Variants in FBXL20 observed in about 807,000 individuals in gnomAD.
FBXL20 encodes the protein F-box and leucine rich repeat protein 20, also known as F-box/LRR-repeat protein 20.
A neutral mutation model predicts 64.0 loss-of-function variants in FBXL20; 11 were observed. That is an observed-to-expected ratio of 0.17 (90% CI 0.11 to 0.28). The LOEUF is 0.28. Ranked by LOEUF, FBXL20 falls within the 10% of genes least tolerant of loss-of-function variation. The probability of loss-of-function intolerance (pLI) is 1.00; values close to 1 mark genes in which losing one functional copy is unlikely to be tolerated. For synonymous variants in FBXL20, 184 were observed against 189.0 expected (o/e 0.97, Z 0.22); for missense variants, 303 against 526.2 (o/e 0.58, Z 4.15).
chr17:39,315,562 C>T (rs979081712), intron 2 of FBXL20, among the ~76,000 whole-genome samples: 13 of 151,466 alleles, frequency 8.6e-5, no homozygotes, highest in Non-Finnish European at 1.3e-4. Context: ...TTGAACAATA[C>T]GTCGGAGTCC....
At chr17:39,354,378 C>T (rs1007229696) in intron 1 of FBXL20, among the ~76,000 whole-genome samples, 1 of 152,174 alleles carries the variant, frequency 6.6e-6, no homozygotes, top group East Asian at 1.9e-4. Context: ...TAATGTTCAT[C>T]GCACTTACTA....
At chr17:39,274,741 T>G (rs893238382) in intron 10 of FBXL20, among the ~76,000 whole-genome samples, 12 of 152,314 alleles carry the variant, frequency 7.9e-5, no homozygotes, top group East Asian at 1.9e-4. Context: ...TTTTTTCTAG[T>G]ATGGATAGCA....
At chr17:39,294,571 C>A (rs1425920616) in intron 6 of FBXL20, among the ~76,000 whole-genome samples, 2 of 151,988 alleles carry the variant, frequency 1.3e-5, no homozygotes, top group Non-Finnish European at 2.9e-5. Context: ...CCTGCTGCTT[C>A]TTTGATTTAA....
rs1249257595 is a variant in FBXL20, at chr17:39,303,565, A to G, written c.159+20T>C. ...AGTATGAAGAAGGGGTCCCCCTGTAACTATGCCAACAATACTTACCCTGGA... is the reference window on the plus strand; with the variant it reads ...AGTATGAAGAAGGGGTCCCCCTGTAGCTATGCCAACAATACTTACCCTGGA... On this transcript the variant is annotated intron_variant, in intron 3 of 14. Coordinates refer to ENST00000264658, the MANE Select transcript of FBXL20 (RefSeq NM_032875.3). 7 of 1,602,304 alleles carry G rather than the reference A, an allele frequency of 4.4e-6. No homozygotes were observed. In the East Asian group the frequency reaches 1.3e-4, roughly 31 times the overall value.
At chr17:39,337,071 A>C (rs2047529915) in intron 2 of FBXL20, among the ~76,000 whole-genome samples, 1 of 151,098 alleles carries the variant, frequency 6.6e-6, no homozygotes. Flanking sequence ...ATCTCGGCTC[A>C]CTGCAACCTC....
At chr17:39,363,648 A>C (rs2047821679) in intron 1 of FBXL20, among the ~76,000 whole-genome samples, 1 of 151,718 alleles carries the variant, frequency 6.6e-6, no homozygotes, top group African/African-American at 2.4e-5. Context: ...CTCCTCTAGA[A>C]AAAATTTTAA....
intron 7 of FBXL20, 23 bp downstream of exon 7, chr17:39,285,455 C>T (rs1469088618): frequency 2.0e-6 from 3 of 1,479,074 alleles, no homozygotes; most frequent in East Asian, 2.3e-5. Flanking sequence ...GATTACTTGA[C>T]ATGCTTATTA....
chr17:39,337,920 G>T lies in FBXL20; in HGVS notation c.104+5260C>A, dbSNP rs576345205. 1.4e-3 allele frequency among the ~76,000 whole-genome samples: 212 copies of T among 150,624 alleles called. 3 individuals are homozygous for T. The Middle Eastern group carries it at 0.018, about 13-fold the overall frequency. On this transcript the variant is annotated intron_variant, in intron 2 of 14. Coordinates refer to ENST00000264658, the MANE Select transcript of FBXL20 (RefSeq NM_032875.3). ...CCCTATCCGGGAGGGAGGTGGGGGG[G>T]TCAGCCCCCCGCCCGGCCAGCTGCC...
chr17:39,283,303 G>A (rs1017774048), intron 7 of FBXL20, among the ~76,000 whole-genome samples: 1 of 152,086 alleles, frequency 6.6e-6, no homozygotes, highest in Non-Finnish European at 1.5e-5. Context: ...TTCAGATTTT[G>A]CAATATTTGC....
At chr17:39,317,912 G>A (rs932409521) in intron 2 of FBXL20, among the ~76,000 whole-genome samples, 71 of 151,516 alleles carry the variant, frequency 4.7e-4, no homozygotes, top group African/African-American at 1.6e-3. Context: ...CGTGTTAGCC[G>A]GGATGGTCTC....
At chr17:39,391,935 A>T (rs1039821372) in intron 1 of FBXL20, among the ~76,000 whole-genome samples, 4 of 149,904 alleles carry the variant, frequency 2.7e-5, no homozygotes, top group African/African-American at 9.9e-5. Context: ...CAAGGCCAGG[A>T]GTTCGAGACC....
At chr17:39,348,176 G>A (rs1318200500) in intron 1 of FBXL20, among the ~76,000 whole-genome samples, 1 of 151,270 alleles carries the variant, frequency 6.6e-6, no homozygotes, top group East Asian at 1.9e-4. Context: ...AAAAGATGAT[G>A]TCTCGGCTGA....
At chr17:39,395,141 T>C (rs986243509) in intron 1 of FBXL20, among the ~76,000 whole-genome samples, 1 of 152,128 alleles carries the variant, frequency 6.6e-6, no homozygotes, top group Non-Finnish European at 1.5e-5. Flanking sequence ...TGACCACTTC[T>C]AGGCCGGGCG....
intron 2 of FBXL20, among the ~76,000 whole-genome samples, chr17:39,319,692 A>AG (rs2047334438): frequency 6.7e-6 from 1 of 149,904 alleles, no homozygotes; most frequent in East Asian, 1.9e-4. Context: ...AAAAAAAAAA[A>AG]AAAACTATAG....
intron 6 of FBXL20, among the ~76,000 whole-genome samples, chr17:39,289,254 A>G (rs2047016298): frequency 6.6e-6 from 1 of 152,240 alleles, no homozygotes; most frequent in Admixed American, 6.5e-5. Context: ...GCATTTGCAC[A>G]TGAATTTAGA....
intron 2 of FBXL20, among the ~76,000 whole-genome samples, chr17:39,318,181 T>C (rs1394543800): frequency 1.3e-5 from 2 of 152,196 alleles, no homozygotes; most frequent in African/African-American, 2.4e-5. Context: ...TATACCATGT[T>C]GTCTACTTTT....
intron 1 of FBXL20, among the ~76,000 whole-genome samples, chr17:39,343,695 C>CTTT: frequency 7.4e-6 from 1 of 134,600 alleles, no homozygotes; most frequent in African/African-American, 2.7e-5. Context: ...GGCGAAAACT[C>CTTT]TTTTTTTTTT....
chr17:39,319,397 G>A (rs1411894891), intron 2 of FBXL20, among the ~76,000 whole-genome samples: 1 of 151,916 alleles, frequency 6.6e-6, no homozygotes, highest in African/African-American at 2.4e-5. Context: ...ATTTAAAAAG[G>A]ATAGCAGGGC....
At chr17:39,381,517 C>T (rs2048023260) in intron 1 of FBXL20, among the ~76,000 whole-genome samples, 1 of 148,312 alleles carries the variant, frequency 6.7e-6, no homozygotes, top group Non-Finnish European at 1.5e-5. Flanking sequence ...TAAAGCCTGG[C>T]TTGTAGTTCA....
Sources: allele counts gnomAD v4.1 joint callset (sites outside exome capture counted in the v4.1 genomes callset), GRCh38; gene constraint gnomAD v4.1.1; transcripts MANE v1.5; gene names NCBI Gene and HGNC (gene_info 2026-07-23, HGNC 2026-07-21).